MX2: variants seen among roughly 807,000 people sequenced by gnomAD.
MX2 encodes MX dynamin like GTPase 2, also known as interferon-induced GTP-binding protein Mx2.
In MX2, 51 loss-of-function variants were observed where a neutral mutation model predicts 74.0. The ratio of observed to expected loss-of-function variants is 0.69; its 90% confidence interval spans 0.55 to 0.87. MX2 has a LOEUF of 0.87. MX2 is among the 40% of genes least tolerant of loss of function. The probability of loss-of-function intolerance (pLI) is 0.00; values close to 1 mark genes in which losing one functional copy is unlikely to be tolerated. For synonymous variants in MX2, 369 were observed against 339.3 expected (o/e 1.09, Z -0.96); for missense variants, 832 against 908.7 (o/e 0.92, Z 1.09).
intron 6 of MX2, among the ~76,000 whole-genome samples, chr21:41,394,308 C>G (rs572113708): frequency 6.6e-6 from 1 of 152,268 alleles, no homozygotes; most frequent in East Asian, 1.9e-4. Context: ...TCATGACCCT[C>G]CAATACGGCT....
intron 6 of MX2, among the ~76,000 whole-genome samples, chr21:41,392,808 T>C (rs2089678097): frequency 1.3e-5 from 2 of 152,090 alleles, no homozygotes; most frequent in South Asian, 4.1e-4. Flanking sequence ...ACAATTCTTT[T>C]AAAAAGGAAA....
chr21:41,390,284 A>T, intron 5 of MX2: 1 of 400,578 alleles, frequency 2.5e-6, no homozygotes, highest in Non-Finnish European at 4.7e-6. Context: ...GGTGAGATCT[A>T]GAGGGGAGGG....
intron 1 of MX2, among the ~76,000 whole-genome samples, chr21:41,376,144 A>AG (rs944334600): frequency 6.6e-6 from 1 of 152,166 alleles, no homozygotes; most frequent in African/African-American, 2.4e-5. Context: ...CAGCAGGCCC[A>AG]GGAGGTGCTG....
At chr21:41,371,493 G>A (rs1001656976) in intron 1 of MX2, among the ~76,000 whole-genome samples, 4 of 152,136 alleles carry the variant, frequency 2.6e-5, no homozygotes, top group Non-Finnish European at 5.9e-5. Context: ...AAGTCTGGCC[G>A]GCATTTCCTC....
intron 10 of MX2, 25 bp from the exon 11 acceptor site, chr21:41,401,945 C>T (rs1395515052): frequency 7.5e-6 from 12 of 1,604,580 alleles, no homozygotes; most frequent in Non-Finnish European, 1.0e-5. Context: ...CAGAATTCAC[C>T]ATGGAGGTCT....
chr21:41,377,425 A>G (rs1477666521), intron 2 of MX2, among the ~76,000 whole-genome samples: 1 of 151,906 alleles, frequency 6.6e-6, no homozygotes, highest in East Asian at 1.9e-4. Context: ...CAGCCATCAC[A>G]TTGCCAGCCC....
chr21:41,406,831 T>C lies in MX2; in HGVS notation c.1738T>C (p.Cys580Arg). 1 of 1,614,262 alleles carries C rather than the reference T, an allele frequency of 6.2e-7. No homozygotes were observed. Among genetic ancestry groups the C allele is most frequent in the South Asian group, 1.1e-5 (1 of 91,082 alleles). The change falls in exon 13 of 14, where the codon TGT (cysteine) becomes CGT (arginine). Residue 580 changes from cysteine to arginine, a missense_variant. Transcript: ENST00000330714. Reference sequence around the variant, plus strand: ...GTTCAGAATGGAGCAGATGGTTTTTTGTCAAGATCAGATTTACAGTGTTGT... The same window carrying C: ...GTTCAGAATGGAGCAGATGGTTTTTCGTCAAGATCAGATTTACAGTGTTGT... ...LQFRMEQMVF[C>R]QDQIYSVVLK...
chr21:41,390,851 A>G (rs1324287739), intron 6 of MX2, 148 bp downstream of exon 6: 2 of 871,880 alleles, frequency 2.3e-6, no homozygotes, highest in Non-Finnish European at 3.4e-6. Flanking sequence ...TAAAAATACA[A>G]AAAAATTAGT....
chr21:41,384,014 G>A lies in MX2; in HGVS notation c.732+1450G>A, dbSNP rs116501461. Among the ~76,000 whole-genome samples, 1,176 of 152,238 alleles carry A rather than the reference G, an allele frequency of 7.7e-3. 19 individuals are homozygous for A. The highest frequency in any genetic ancestry group is 0.027 in the African/African-American group (1,111 of 41,526). On this transcript the variant is annotated intron_variant, in intron 5 of 13. Coordinates refer to ENST00000330714, the MANE Select transcript of MX2 (RefSeq NM_002463.2). The stretch of plus-strand genomic sequence containing the variant: ...AGGTGGGAGGTGATAGGATCATGGG[G>A]GTGTTTTCTCCCATGCCGTTCTCGT...
At position 41,390,623 on chromosome 21, in the gene MX2, T is replaced by A. The variant is rs2089645257; in HGVS notation, c.791T>A (p.Val264Asp). 6.2e-7 allele frequency: 1 copy of A among 1,613,970 alleles called. No homozygotes were observed. Among genetic ancestry groups the A allele is most frequent in the Admixed American group, 1.7e-5 (1 of 59,988 alleles). ...CAGCAGACGATCAACTTGGTGGTGG[T>A]TCCCTGTAACGTGGACATTGCCACC... ...QRQQTINLVV[V>D]PCNVDIATTE... The change falls in exon 6 of 14, where the codon GTT (valine) becomes GAT (aspartate). Residue 264 changes from valine (V) to aspartate (D), a missense_variant. Coordinates refer to ENST00000330714, the MANE Select transcript of MX2 (RefSeq NM_002463.2).
chr21:41,397,386 C>T (rs2145947543), intron 7 of MX2, among the ~76,000 whole-genome samples: 1 of 152,288 alleles, frequency 6.6e-6, no homozygotes, highest in East Asian at 1.9e-4. Context: ...GATGACCTAC[C>T]TCATGAGTTT....
In MX2 at chr21:41,380,219, T is replaced by A; in HGVS notation, c.577+68T>A. 6.3e-7 allele frequency: 1 copy of A among 1,599,634 alleles called. No homozygotes were observed. The highest frequency in any genetic ancestry group is 8.5e-7 in the Non-Finnish European group (1 of 1,171,602). The stretch of plus-strand genomic sequence containing the variant: ...CTCTCACTTCCTCGGTTCCTTCTCC[T>A]CTTCCTCAAGTCACCCCCACAGTGA... On this transcript the variant is annotated intron_variant, in intron 4 of 13. Coordinates refer to ENST00000330714, the MANE Select transcript of MX2 (RefSeq NM_002463.2). The surrounding 1 kb of genome is among the most constrained non-coding windows in gnomAD (Gnocchi z 4.3).
At chr21:41,401,704 C>A in intron 10 of MX2, 1 of 264,616 alleles carries the variant, frequency 3.8e-6, no homozygotes, top group Non-Finnish European at 7.0e-6. Flanking sequence ...TTTTTCCTAC[C>A]AGTTAGAAAC....
In MX2 at chr21:41,408,337, TATCAGTGTCCATCTCTACTGTACTCC is replaced by T; in HGVS notation, c.*105_*130del. The T allele has an allele frequency of 6.8e-7, 1 of 1,461,678 alleles. No homozygotes were observed. The highest frequency in any genetic ancestry group is 9.3e-7 in the Non-Finnish European group (1 of 1,080,546). 90.5% of individuals were successfully genotyped at this position (1,461,678 alleles called of 1,614,324 possible). ...CTTTGGGGCCAAACTCTTCTGTCAC[TATCAGTGTCCATCTCTACTGTACTCC>T]CTCAGCATCAGAGCATGCATCAGGG... On this transcript the variant is annotated 3_prime_UTR_variant, in exon 14 of 14. Coordinates refer to ENST00000330714, the MANE Select transcript of MX2 (RefSeq NM_002463.2).
chr21:41,369,829 GC>G (rs1469781451), intron 1 of MX2, among the ~76,000 whole-genome samples: 1 of 114,898 alleles, frequency 8.7e-6, no homozygotes, highest in African/African-American at 3.3e-5. Flanking sequence ...CCGCACCCCT[GC>G]CCCCCGCCCC....
Position 41,377,809 on chromosome 21 carries a change from C to T in MX2, c.270C>T (p.Tyr90=), listed in dbSNP as rs772489758. ...TCCAGGGGCCCGAGAACAACCTGTA[C>T]AGCCAGTACGAGCAGAAGGTGCGCC... is the stretch of plus-strand genomic sequence containing the variant. ...PRAMGPENNL[Y]SQYEQKVRPC... Residue 90 remains tyrosine, a synonymous_variant, in exon 3 of 14, where the codon TAC becomes TAT. Transcript: ENST00000330714. The T allele has an allele frequency of 3.1e-6, 5 of 1,613,240 alleles. No individual in the cohort carries two copies. Among genetic ancestry groups the T allele is most frequent in the Non-Finnish European group, 4.2e-6 (5 of 1,179,376 alleles).
rs1318362111 is a variant in MX2 at position 41,388,620 on chromosome 21, C to G, written c.733-1945C>G. 6.6e-6 allele frequency among the ~76,000 whole-genome samples: 1 copy of G among 152,194 alleles called. No individual in the cohort carries two copies. Among genetic ancestry groups the G allele is most frequent in the Admixed American group, 6.5e-5 (1 of 15,276 alleles). ...GGGGCGTATGCTCAATGCCGAGTCT[C>G]TGAACCCCAGGATGGGCCCCACACC... On this transcript the variant is annotated intron_variant, in intron 5 of 13. Transcript: ENST00000330714. The surrounding 1 kb of genome is among the most constrained non-coding windows in gnomAD (Gnocchi z 4.0).
chr21:41,396,663 G>A (rs746382993), intron 7 of MX2, among the ~76,000 whole-genome samples: 10 of 152,180 alleles, frequency 6.6e-5, no homozygotes, highest in Non-Finnish European at 1.2e-4. Context: ...CCAACAGCCA[G>A]CACTCAGTAA....
intron 8 of MX2, among the ~76,000 whole-genome samples, chr21:41,398,087 A>G (rs531650576): frequency 3.3e-5 from 5 of 152,186 alleles, no homozygotes; most frequent in Non-Finnish European, 7.4e-5. Context: ...AAGCCAGTGG[A>G]TCACCTGAGG....
Sources: allele counts gnomAD v4.1 joint callset (sites outside exome capture counted in the v4.1 genomes callset), GRCh38; gene constraint gnomAD v4.1.1; non-coding constraint Gnocchi (gnomAD v3.1); transcripts MANE v1.5; gene names NCBI Gene and HGNC (gene_info 2026-07-23, HGNC 2026-07-21).